The following AIRE variants were observed in gnomAD, a reference collection of about 807,000 sequenced individuals.
AIRE encodes autoimmune regulator, also known as autoimmune polyendocrinopathy candidiasis ectodermal dystrophy protein.
Under a neutral mutation model 62.1 loss-of-function variants are expected in AIRE, and 52 were observed. That is an observed-to-expected ratio of 0.84 (90% CI 0.67 to 1.06). The LOEUF (loss-of-function observed/expected upper bound fraction) is 1.06, where lower values mean the gene tolerates loss of function less well. AIRE is among the 50% of genes least tolerant of loss of function. AIRE has a pLI of 0.00. For synonymous variants in AIRE, 342 were observed against 321.6 expected (o/e 1.06, Z -0.68); for missense variants, 774 against 755.8 (o/e 1.02, Z -0.28).
At chr21:44,290,692 C>G (rs767259813) in intron 7 of AIRE, 20 of 1,308,764 alleles carry the variant, frequency 1.5e-5, no homozygotes, top group Non-Finnish European at 1.9e-5. Context: ...GCACAGCAGG[C>G]ACCATCCAGG....
rs1488694234 is a variant in AIRE, at chr21:44,289,740, G to GCC, written c.738_739dup (p.Arg247ProfsTer132). Reference sequence around the variant, plus strand: ...AGACTCCGGCAGTGGGAAGAACAAGGCCCGCAGCAGCAGTGGCCCGAAGCC... The same window carrying GCC: ...AGACTCCGGCAGTGGGAAGAACAAGGCCCCCGCAGCAGCAGTGGCCCGAAGCC... On this transcript the variant is annotated frameshift_variant, in exon 6 of 14. Transcript: ENST00000291582. LOFTEE classifies it high-confidence loss of function. 6.2e-7 allele frequency: 1 copy of GCC among 1,612,712 alleles called. No homozygotes were observed.
rs761025044 is a variant in AIRE, at chr21:44,286,079, G to C, written c.73G>C (p.Ala25Pro). Residue 25 changes from alanine to proline, a missense_variant, in exon 1 of 14, where the codon GCC (alanine) becomes CCC (proline). Physicochemically the swap from Ala to Pro is conservative, Grantham distance 27. Around this residue, in one of 3 missense-constraint regions of AIRE, gnomAD observed 385 missense variants for 396.0 expected, o/e 0.97. Coordinates refer to ENST00000291582, the MANE Select transcript of AIRE (RefSeq NM_000383.4). The surrounding 1 kb of genome is among the most constrained non-coding windows in gnomAD (Gnocchi z 6.0). ...RTEIAVAVDS[A>P]FPLLHALADH... Reference sequence around the variant, plus strand: ...GGAGATCGCGGTGGCCGTGGACAGCGCCTTCCCACTGCTGCACGCGCTGGC... The same window carrying C: ...GGAGATCGCGGTGGCCGTGGACAGCCCCTTCCCACTGCTGCACGCGCTGGC... The C allele has an allele frequency of 5.2e-5, 81 of 1,544,844 alleles. No homozygotes were observed. Among genetic ancestry groups the C allele is most frequent in the Non-Finnish European group, 6.5e-5 (74 of 1,146,468 alleles).
chr21:44,292,470 G>T, intron 9 of AIRE, 69 bp downstream of exon 9: 1 of 1,086,956 alleles, frequency 9.2e-7, no homozygotes, highest in Admixed American at 2.2e-5. Context: ...TCCTAGGCTG[G>T]GCCACCCCCT....
At chr21:44,295,173 G>C (rs1331898770) in intron 12 of AIRE, among the ~76,000 whole-genome samples, 2 of 152,178 alleles carry the variant, frequency 1.3e-5, no homozygotes, top group Admixed American at 1.3e-4. Flanking sequence ...GGAGCCTTTA[G>C]GGATCCTGGG....
rs987241240 is a variant in AIRE at position 44,286,102 on chromosome 21, G to T, written c.96G>T (p.Leu32=). The T allele has an allele frequency of 1.3e-6, 2 of 1,546,918 alleles. No homozygotes were observed. Among genetic ancestry groups the T allele is most frequent in the Admixed American group, 3.9e-5 (2 of 50,982 alleles). Residue 32 remains leucine, a synonymous_variant, in exon 1 of 14, where the codon CTG becomes CTT. Coordinates refer to ENST00000291582, the MANE Select transcript of AIRE (RefSeq NM_000383.4). The surrounding 1 kb of genome is among the most constrained non-coding windows in gnomAD (Gnocchi z 6.0). ...VDSAFPLLHA[L]ADHDVVPEDK... is the part of the protein sequence containing the mutation. ...GCGCCTTCCCACTGCTGCACGCGCTGGCTGACCACGACGTGGTCCCCGAGG... is the reference window on the plus strand; with the variant it reads ...GCGCCTTCCCACTGCTGCACGCGCTTGCTGACCACGACGTGGTCCCCGAGG...
Position 44,296,316 on chromosome 21 carries a change from T to C in AIRE, c.1504-67T>C, listed in dbSNP as rs28398244. On this transcript the variant is annotated intron_variant, in intron 12 of 13. Transcript: ENST00000291582. ...AAACACCCCCGCGGCCCCTAGGCCC[T>C]GCGGCCTCTGTACCCCCACCAGGGC... 5,752 of 1,437,040 alleles carry C rather than the reference T, an allele frequency of 4.0e-3. 191 individuals carry two copies. In the African/African-American group the frequency reaches 0.073, roughly 18 times the overall value. The allele number at this position is 1,437,040 out of a possible 1,614,324, so 89.0% of individuals were successfully genotyped here. A position where few individuals can be genotyped will look rare whatever the true frequency, so the allele number is the denominator to read the frequency against.
chr21:44,293,291 C>A (rs1437256517), intron 10 of AIRE, 116 bp downstream of exon 10: 2 of 1,029,516 alleles, frequency 1.9e-6, no homozygotes, highest in Admixed American at 3.0e-5. Context: ...CTCCGGGAGG[C>A]ACAGGGCCTG....
chr21:44,293,694 G>A (rs2040569387), intron 10 of AIRE, 95 bp from the exon 11 acceptor site: 5 of 1,568,236 alleles, frequency 3.2e-6, no homozygotes, highest in African/African-American at 1.3e-5. Flanking sequence ...GTCCAGCCCT[G>A]GGTGGTCCCA....
At chr21:44,296,242 C>A in intron 12 of AIRE, 141 bp from the exon 13 acceptor site, 3 of 843,654 alleles carry the variant, frequency 3.6e-6, no homozygotes, top group Non-Finnish European at 4.1e-6. Context: ...GCCCTGTGCC[C>A]CCACCCCCAG....
At chr21:44,294,848 C>T (rs938406482) in intron 12 of AIRE, among the ~76,000 whole-genome samples, 1 of 152,050 alleles carries the variant, frequency 6.6e-6, no homozygotes, top group Non-Finnish European at 1.5e-5. Context: ...GAGCAAACCC[C>T]CACCCTGTCT....
chr21:44,296,305 C>T (rs1568931286), intron 12 of AIRE, 78 bp from the exon 13 acceptor site: 4 of 1,307,956 alleles, frequency 3.1e-6, no homozygotes, highest in East Asian at 2.3e-5. Flanking sequence ...ACCCCCGCGG[C>T]CCCTAGGCCC....
At position 44,289,722 on chromosome 21, in the gene AIRE, G is replaced by A. The variant is rs142286875; in HGVS notation, c.718G>A (p.Gly240Ser). ...FYTPSKFEDS[G>S]SGKNKARSSS... Reference sequence around the variant, plus strand: ...CACTCCCAGCAAGTTCGAAGACTCCGGCAGTGGGAAGAACAAGGCCCGCAG... The same window carrying A: ...CACTCCCAGCAAGTTCGAAGACTCCAGCAGTGGGAAGAACAAGGCCCGCAG... Residue 240 changes from glycine (G) to serine (S), a missense_variant, in exon 6 of 14, where the codon GGC (glycine) becomes AGC (serine). This residue lies in a region of AIRE where 385 missense variants were observed against 396.0 expected (regional missense o/e 0.97). Transcript: ENST00000291582. The A allele has an allele frequency of 1.0e-4, 166 of 1,612,814 alleles. No individual in the cohort carries two copies. Among genetic ancestry groups the A allele is most frequent in the Middle Eastern group, 5.0e-4 (3 of 6,060 alleles).
chr21:44,294,651 G>A, intron 12 of AIRE, 148 bp downstream of exon 12: 1 of 432,538 alleles, frequency 2.3e-6, no homozygotes, highest in East Asian at 3.5e-5. Context: ...CTCATTATCT[G>A]TAGAAAATAT....
rs888959872 is a variant in AIRE at position 44,287,461 on chromosome 21, C to T, written c.464-56C>T. On this transcript the variant is annotated intron_variant, in intron 3 of 13. Transcript: ENST00000291582. This position sits in a 1 kb window ranked among gnomAD's most constrained non-coding sequence, Gnocchi z 4.3. ...CCTCCCACCGCGGGCCCCTGCCCACCGGCACTCACCCCCACTGAGAGGGGA... is the reference window on the plus strand; with the variant it reads ...CCTCCCACCGCGGGCCCCTGCCCACTGGCACTCACCCCCACTGAGAGGGGA... 1.0e-4 allele frequency: 135 copies of T among 1,309,578 alleles called. 1 individual carries two copies. The highest frequency in any genetic ancestry group is 3.8e-4 in the East Asian group (15 of 39,770). The allele number at this position is 1,309,578 out of a possible 1,614,324, so 81.1% of individuals were successfully genotyped here. A position where few individuals can be genotyped will look rare whatever the true frequency, so the allele number is the denominator to read the frequency against.
In AIRE at chr21:44,292,679, G is replaced by T. The variant is rs558334814; in HGVS notation, c.1095+278G>T. ...AGCATTGATAACGGCCCCGGAAGAT[G>T]TGTTCCTTGTTCTGCTGCTGTGAGG... On this transcript the variant is annotated intron_variant, in intron 9 of 13. Transcript: ENST00000291582. Among the ~76,000 whole-genome samples, 9 of 152,312 alleles carry T rather than the reference G, an allele frequency of 5.9e-5. No individual in the cohort carries two copies. In the South Asian group the frequency reaches 1.9e-3, roughly 32 times the overall value.
chr21:44,294,465 G>T lies in AIRE; in HGVS notation c.1465G>T (p.Ala489Ser). 6.4e-7 allele frequency: 1 copy of T among 1,553,106 alleles called. No homozygotes were observed. Among genetic ancestry groups the T allele is most frequent in the Non-Finnish European group, 8.6e-7 (1 of 1,156,540 alleles). ...CCCAGCCCCTGTGGAGGGGGTGCTG[G>T]CCCCCAGCCCCGCCCGCCTGGCCCC... ...VTPAPVEGVL[A>S]PSPARLAPGP... The change falls in exon 12 of 14, where the codon GCC (alanine) becomes TCC (serine). Residue 489 changes from alanine to serine, a missense_variant. Physicochemically the swap from Ala to Ser is moderately conservative, Grantham distance 99. This residue lies in a region of AIRE where 354 missense variants were observed against 296.1 expected (regional missense o/e 1.20). Coordinates refer to ENST00000291582, the MANE Select transcript of AIRE (RefSeq NM_000383.4).
Position 44,294,510 on chromosome 21 carries a change from G to T in AIRE, c.1503+7G>T, listed in dbSNP as rs1161056630. On this transcript the variant is annotated splice_region_variant and intron_variant, in intron 12 of 13. Coordinates refer to ENST00000291582, the MANE Select transcript of AIRE (RefSeq NM_000383.4). The stretch of plus-strand genomic sequence containing the variant: ...GGCCCCTGGGCCTGCCAAGGTCAGT[G>T]CCGCAGGGGCCCTCCATGCATGCCG... The T allele has an allele frequency of 3.5e-6, 5 of 1,425,688 alleles. No homozygotes were observed. Among genetic ancestry groups the T allele is most frequent in the Non-Finnish European group, 4.7e-6 (5 of 1,072,594 alleles). 88.3% of individuals were successfully genotyped at this position (1,425,688 alleles called of 1,614,324 possible). A position where few individuals can be genotyped will look rare whatever the true frequency, so the allele number is the denominator to read the frequency against.
rs765508721 is a variant in AIRE, at chr21:44,293,074, G to T, written c.1177G>T (p.Val393Phe). The T allele has an allele frequency of 6.2e-7, 1 of 1,612,362 alleles. No homozygotes were observed. The highest frequency in any genetic ancestry group is 1.7e-5 in the Admixed American group (1 of 59,992). ...EPLAGMDTTL[V>F]YKHLPAPPSA... ...CCTAGCCGGCATGGACACGACTCTT[G>T]TCTACAAGCACCTGCCGGCTCCGCC... Residue 393 changes from valine to phenylalanine, a missense_variant, in exon 10 of 14, where the codon GTC becomes TTC. Around this residue, in one of 3 missense-constraint regions of AIRE, gnomAD observed 354 missense variants for 296.1 expected, o/e 1.20. Coordinates refer to ENST00000291582, the MANE Select transcript of AIRE (RefSeq NM_000383.4).
At chr21:44,296,997 G>C (rs1210897623) in intron 13 of AIRE, among the ~76,000 whole-genome samples, 1 of 152,248 alleles carries the variant, frequency 6.6e-6, no homozygotes, top group East Asian at 1.9e-4. Context: ...GTTCTCCTCA[G>C]TGTCTGATGT....
Sources: gnomAD v4.1 joint callset for allele counts (sites outside exome capture counted in the v4.1 genomes callset) on GRCh38, gnomAD v4.1.1 for gene constraint, gnomAD v4.1.1 regional missense constraint, Gnocchi (gnomAD v3.1) non-coding constraint, MANE v1.5 for transcripts, NCBI Gene and HGNC (gene_info 2026-07-23, HGNC 2026-07-21) for gene names.